Variants in PAK1IP1 observed in about 807,000 individuals in gnomAD.
The protein encoded by PAK1IP1 is PAK1 interacting protein 1.
A neutral mutation model predicts 42.0 loss-of-function variants in PAK1IP1; 24 were observed. The observed-to-expected ratio is 0.57, with a 90% CI of 0.41 to 0.80. The LOEUF is 0.80. PAK1IP1 is among the 30% of genes least tolerant of loss of function. PAK1IP1 has a pLI of 0.00. For missense variants in PAK1IP1, 411 were observed against 467.9 expected (o/e 0.88, Z 1.12); for synonymous variants, 154 against 156.7 (o/e 0.98, Z 0.13).
rs769673112 is a variant in PAK1IP1 at position 10,709,303 on chromosome 6, C to T, written c.1030C>T (p.Arg344Trp). The T allele has an allele frequency of 8.7e-6, 14 of 1,613,614 alleles. No individual in the cohort carries two copies. In the East Asian group the frequency reaches 1.3e-4, roughly 15 times the overall value. ...TGACACAGTGCACAAAGAAGAAAAGCGGTCAAAACCTAACACAAAGAAACG... is the reference window on the plus strand; with the variant it reads ...TGACACAGTGCACAAAGAAGAAAAGTGGTCAAAACCTAACACAAAGAAACG... ...PGDTVHKEEK[R>W]SKPNTKKRGL... Residue 344 changes from arginine to tryptophan, a missense_variant, in exon 10 of 10, where the codon CGG becomes TGG. By Grantham distance (101) the Arg-to-Trp change is moderately radical. Transcript: ENST00000379568.
At chr6:10,704,082 G>A (rs781358512) in intron 5 of PAK1IP1, among the ~76,000 whole-genome samples, 3 of 151,812 alleles carry the variant, frequency 2.0e-5, no homozygotes, top group Non-Finnish European at 4.4e-5. Flanking sequence ...GAGTGCAGTG[G>A]CGCTATCTCA....
intron 1 of PAK1IP1, among the ~76,000 whole-genome samples, chr6:10,697,054 G>T (rs969413336): frequency 2.0e-5 from 3 of 152,184 alleles, no homozygotes. Context: ...CTGTGTTCTA[G>T]AGTGATGATA....
rs369837956 is a variant in PAK1IP1 at position 10,706,908 on chromosome 6, AAAAG to A, written c.741-499_741-496del. ...CTCCATCTCAAAAAAAAAAAAAAGA[AAAAG>A]AAAGAAAAGAAAATTGTTAAGGGGC... On this transcript the variant is annotated intron_variant, in intron 7 of 9. Transcript: ENST00000379568. 3.3e-3 allele frequency among the ~76,000 whole-genome samples: 498 copies of A among 152,082 alleles called. 2 individuals carry two copies. The highest frequency in any genetic ancestry group is 0.012 in the African/African-American group (485 of 41,504).
intron 2 of PAK1IP1, 26 bp downstream of exon 2, chr6:10,697,512 G>T: frequency 6.6e-7 from 1 of 1,524,522 alleles, no homozygotes; most frequent in South Asian, 1.2e-5. Flanking sequence ...CCCTTAAGAT[G>T]AGAACATAGA....
intron 8 of PAK1IP1, among the ~76,000 whole-genome samples, chr6:10,708,466 T>G (rs773189005): frequency 1.7e-4 from 26 of 152,336 alleles, no homozygotes; most frequent in Non-Finnish European, 2.9e-4. Flanking sequence ...TTTCCACCTT[T>G]TGGATGTTAT....
At chr6:10,691,834 GTTTTT>G (rs530591718), upstream of PAK1IP1, among the ~76,000 whole-genome samples, 1 of 151,018 alleles carries the variant, frequency 6.6e-6, no homozygotes, top group African/African-American at 2.4e-5. Flanking sequence ...AAGTTTTGGG[GTTTTT>G]TTTTCTTTTT....
At chr6:10,700,109 A>G (rs1453306241) in intron 2 of PAK1IP1, among the ~76,000 whole-genome samples, 1 of 152,086 alleles carries the variant, frequency 6.6e-6, no homozygotes, top group Non-Finnish European at 1.5e-5. Flanking sequence ...CCCAGGCTGG[A>G]GTGCAGTGGC....
intron 2 of PAK1IP1, among the ~76,000 whole-genome samples, chr6:10,698,929 G>T (rs939231909): frequency 1.3e-5 from 2 of 152,112 alleles, no homozygotes; most frequent in African/African-American, 2.4e-5. Context: ...GGCCAGGCGC[G>T]GTGGCTCGCG....
intron 2 of PAK1IP1, among the ~76,000 whole-genome samples, chr6:10,698,722 T>G (rs1226610683): frequency 6.6e-6 from 1 of 152,196 alleles, no homozygotes; most frequent in African/African-American, 2.4e-5. Flanking sequence ...CCTGCCCCAT[T>G]GGAATTGGCA....
upstream of PAK1IP1, among the ~76,000 whole-genome samples, chr6:10,693,253 T>C (rs573454079): frequency 2.0e-5 from 3 of 152,332 alleles, no homozygotes; most frequent in East Asian, 5.8e-4. Flanking sequence ...ATATGTCTGC[T>C]TTTCCTTTGT....
intron 2 of PAK1IP1, among the ~76,000 whole-genome samples, chr6:10,699,928 T>TAAG (rs1031192140): frequency 1.1e-4 from 17 of 152,258 alleles, no homozygotes; most frequent in African/African-American, 4.1e-4. Context: ...TCTTGTCTCG[T>TAAG]AAGGACTGGC....
chr6:10,706,599 T>C lies in PAK1IP1; in HGVS notation c.741-816T>C, dbSNP rs199520700. Among the ~76,000 whole-genome samples, 8 of 152,144 alleles carry C rather than the reference T, an allele frequency of 5.3e-5. 1 individual carries two copies. The East Asian group carries it at 1.5e-3, about 29-fold the overall frequency. On this transcript the variant is annotated intron_variant, in intron 7 of 9. Transcript: ENST00000379568. ...TGATTTGATTTACATTTTTAAAAAT[T>C]TCTGGCCAGGTGCAGTGGCTCATGC...
chr6:10,699,436 A>G (rs1769962021), intron 2 of PAK1IP1, among the ~76,000 whole-genome samples: 2 of 152,166 alleles, frequency 1.3e-5, no homozygotes, highest in South Asian at 4.2e-4. Flanking sequence ...AATGCAGGGG[A>G]GGCAAAGGTC....
chr6:10,707,649 G>T, intron 8 of PAK1IP1, 135 bp downstream of exon 8: 1 of 571,466 alleles, frequency 1.7e-6, no homozygotes. Context: ...GATATTAATG[G>T]TTTTAAAATT....
At chr6:10,694,905 T>TTG (rs1244099380), upstream of PAK1IP1, 102 of 282,420 alleles carry the variant, frequency 3.6e-4, no homozygotes, top group Non-Finnish European at 4.0e-4. Context: ...AGTCAGGTGT[T>TTG]TTTTTTTTTT....
At chr6:10,698,561 C>T (rs1769929087) in intron 2 of PAK1IP1, among the ~76,000 whole-genome samples, 2 of 152,036 alleles carry the variant, frequency 1.3e-5, no homozygotes, top group Non-Finnish European at 2.9e-5. Flanking sequence ...GGGACCAGAT[C>T]CTGGAGTCCT....
Position 10,709,087 on chromosome 6 carries a change from T to A in PAK1IP1, c.964+11T>A. ...CAGAGCCTTCTCCTGGTAATCGAAT[T>A]TGATTGTTTTGAAATTTTGAATAAT... is the stretch of plus-strand genomic sequence containing the variant. On this transcript the variant is annotated intron_variant, in intron 9 of 9. Coordinates refer to ENST00000379568, the MANE Select transcript of PAK1IP1 (RefSeq NM_017906.3). 2 of 1,605,594 alleles carry A rather than the reference T, an allele frequency of 1.2e-6. No individual in the cohort carries two copies. The highest frequency in any genetic ancestry group is 1.7e-6 in the Non-Finnish European group (2 of 1,176,940).
At chr6:10,698,534 G>A (rs946333510) in intron 2 of PAK1IP1, among the ~76,000 whole-genome samples, 2 of 152,188 alleles carry the variant, frequency 1.3e-5, no homozygotes, top group African/African-American at 4.8e-5. Flanking sequence ...GGAGTTTGAG[G>A]GGCTAGAGAA....
At chr6:10,698,116 G>A (rs1195840188) in intron 2 of PAK1IP1, among the ~76,000 whole-genome samples, 1 of 152,210 alleles carries the variant, frequency 6.6e-6, no homozygotes, top group Admixed American at 6.5e-5. Flanking sequence ...AGCACAAGTA[G>A]TAGCATCATA....
Sources: gnomAD v4.1 joint callset for allele counts (sites outside exome capture counted in the v4.1 genomes callset) on GRCh38, gnomAD v4.1.1 for gene constraint, MANE v1.5 for transcripts, NCBI Gene and HGNC (gene_info 2026-07-23, HGNC 2026-07-21) for gene names.